EBF3: variants seen among roughly 807,000 people sequenced by gnomAD.
EBF3 encodes transcription factor COE3.
A neutral mutation model predicts 77.1 loss-of-function variants in EBF3; 18 were observed. That is an observed-to-expected ratio of 0.23 (90% CI 0.16 to 0.35). The LOEUF is 0.35. Among genes scored for constraint, EBF3 ranks in the 10% least tolerant of loss-of-function variants. The probability of loss-of-function intolerance (pLI) is 1.00; values close to 1 mark genes in which losing one functional copy is unlikely to be tolerated. For missense variants in EBF3, 558 were observed against 860.0 expected, an observed-to-expected ratio of 0.65 and a Z score of 4.39; for synonymous variants, 350 against 343.5, an observed-to-expected ratio of 1.02 and a Z score of -0.21.
rs566258569 is a variant in EBF3 at position 129,958,743 on chromosome 10, T to G, written c.485+191A>C. Among the ~76,000 whole-genome samples, 11 of 152,290 alleles carry G rather than the reference T, an allele frequency of 7.2e-5. No individual in the cohort carries two copies. The South Asian group carries it at 2.3e-3, about 32-fold the overall frequency. On this transcript the variant is annotated intron_variant, in intron 5 of 16. Transcript: ENST00000440978. ...CGCTCTGCTGAGCAGCGGGTCGCGT[T>G]GATCGTCAGCGCTGGGGGGAAGGAG...
chr10:129,839,499 C>T (rs187722391), intron 15 of EBF3, among the ~76,000 whole-genome samples: 3 of 152,032 alleles, frequency 2.0e-5, no homozygotes, highest in East Asian at 3.9e-4. Flanking sequence ...CCCGTGTGGC[C>T]TCATCTGTGG....
intron 10 of EBF3, among the ~76,000 whole-genome samples, chr10:129,866,174 T>G (rs1335118443): frequency 6.6e-6 from 1 of 152,196 alleles, no homozygotes; most frequent in Non-Finnish European, 1.5e-5. Flanking sequence ...CAGGCTGAAG[T>G]CCAGTAGCTC....
intron 6 of EBF3, among the ~76,000 whole-genome samples, chr10:129,911,127 T>C (rs912499183): frequency 3.3e-5 from 5 of 152,198 alleles, no homozygotes; most frequent in African/African-American, 1.2e-4. Flanking sequence ...GAGCAAAGCA[T>C]GCCTCTGCCC....
intron 10 of EBF3, among the ~76,000 whole-genome samples, chr10:129,850,444 G>A (rs1157524175): frequency 6.6e-6 from 1 of 152,186 alleles, no homozygotes; most frequent in African/African-American, 2.4e-5. Context: ...TCACCTCTCA[G>A]TTCAGCCCAA....
At position 129,841,058 on chromosome 10, in the gene EBF3, A is replaced by G. The variant is rs768384096; in HGVS notation, c.1373-26T>C. 25 of 1,376,318 alleles carry G rather than the reference A, an allele frequency of 1.8e-5. No individual in the cohort carries two copies. Among genetic ancestry groups the G allele is most frequent in the Admixed American group, 3.5e-5 (2 of 56,512 alleles). The allele number at this position is 1,376,318 out of a possible 1,614,324, so 85.3% of individuals were successfully genotyped here. On this transcript the variant is annotated intron_variant, in intron 13 of 16. Transcript: ENST00000440978. This position sits in a 1 kb window ranked among gnomAD's most constrained non-coding sequence, Gnocchi z 4.6. ...CTGTTGAAATCCCCCCCCCGGCCAA[A>G]AATAACATTATTATCAGCGACAGAC...
Position 129,952,602 on chromosome 10 carries a change from G to C in EBF3, c.554+4656C>G, listed in dbSNP as rs190605914. Among the ~76,000 whole-genome samples, 7 of 152,184 alleles carry C rather than the reference G, an allele frequency of 4.6e-5. No individual in the cohort carries two copies. The highest frequency in any genetic ancestry group is 1.7e-4 in the African/African-American group (7 of 41,442). ...TTGGATTTAATCACGCTCGTGCAAA[G>C]CCATGAGGGAGGAAGCTTTAAGTTC... On this transcript the variant is annotated intron_variant, in intron 6 of 16. Coordinates refer to ENST00000440978, the MANE Select transcript of EBF3 (RefSeq NM_001375380.1). The surrounding 1 kb of genome is among the most constrained non-coding windows in gnomAD (Gnocchi z 4.7).
intron 10 of EBF3, among the ~76,000 whole-genome samples, chr10:129,857,611 G>A (rs961091510): frequency 2.0e-5 from 3 of 152,160 alleles, no homozygotes; most frequent in Admixed American, 1.3e-4. Flanking sequence ...TCCATGTCCC[G>A]CTTCATTCCC....
rs1346447051 is a variant in EBF3 at position 129,944,860 on chromosome 10, T to C, written c.554+12398A>G. On this transcript the variant is annotated intron_variant, in intron 6 of 16. Coordinates refer to ENST00000440978, the MANE Select transcript of EBF3 (RefSeq NM_001375380.1). This position sits in a 1 kb window ranked among gnomAD's most constrained non-coding sequence, Gnocchi z 5.1. ...GTTATTATCCTCTTCGAAAACACTA[T>C]AGAATATGTACGAAAATGTCAGGAG... is the stretch of plus-strand genomic sequence containing the variant. Among the ~76,000 whole-genome samples the C allele has an allele frequency of 2.0e-5, 3 of 151,556 alleles. No homozygotes were observed. The highest frequency in any genetic ancestry group is 4.9e-5 in the African/African-American group (2 of 41,182).
Position 129,842,074 on chromosome 10 carries a change from G to T in EBF3, c.1372+42C>A. On this transcript the variant is annotated intron_variant, in intron 13 of 16. Coordinates refer to ENST00000440978, the MANE Select transcript of EBF3 (RefSeq NM_001375380.1). The surrounding 1 kb of genome is among the most constrained non-coding windows in gnomAD (Gnocchi z 4.4). The stretch of plus-strand genomic sequence containing the variant: ...CAGCTAAGGCCTCAACCAACCCTCG[G>T]AGGGCGTTCAGGGCAGGGGTCCTCC... 6.2e-7 allele frequency: 1 copy of T among 1,613,496 alleles called. No individual in the cohort carries two copies. Among genetic ancestry groups the T allele is most frequent in the Non-Finnish European group, 8.5e-7 (1 of 1,179,716 alleles).
At chr10:129,962,794 C>G in intron 3 of EBF3, 148 bp downstream of exon 3, 1 of 887,580 alleles carries the variant, frequency 1.1e-6, no homozygotes, top group South Asian at 1.8e-5. Flanking sequence ...ACTTATTGAT[C>G]GTTTATGTTT....
chr10:129,962,081 G>C (rs549416780), intron 4 of EBF3, 90 bp downstream of exon 4: 2 of 1,204,380 alleles, frequency 1.7e-6, no homozygotes, highest in East Asian at 4.7e-5. Flanking sequence ...ACAAATACAC[G>C]AGATCCATTT....
intron 10 of EBF3, among the ~76,000 whole-genome samples, chr10:129,850,427 G>A (rs1850786648): frequency 6.6e-6 from 1 of 152,186 alleles, no homozygotes; most frequent in South Asian, 2.1e-4. Flanking sequence ...AAGTACATGG[G>A]CCCCTTTCAC....
intron 4 of EBF3, among the ~76,000 whole-genome samples, chr10:129,960,801 T>C (rs891885715): frequency 2.0e-5 from 3 of 152,160 alleles, no homozygotes; most frequent in Admixed American, 2.0e-4. Flanking sequence ...TAGGGCTGCC[T>C]ACATAAACCT....
chr10:129,917,420 C>G lies in EBF3; in HGVS notation c.555-39571G>C, dbSNP rs909913148. Reference sequence around the variant, plus strand: ...CACATATCATATGCATATTCCACCTCGGCATTTAATTATTACAATGATAGG... The same window carrying G: ...CACATATCATATGCATATTCCACCTGGGCATTTAATTATTACAATGATAGG... On this transcript the variant is annotated intron_variant, in intron 6 of 16. Coordinates refer to ENST00000440978, the MANE Select transcript of EBF3 (RefSeq NM_001375380.1). Among the ~76,000 whole-genome samples the G allele has an allele frequency of 2.0e-5, 3 of 151,900 alleles. No individual in the cohort carries two copies. The South Asian group carries it at 6.2e-4, about 32-fold the overall frequency.
At chr10:129,882,316 G>A (rs1448269919) in intron 6 of EBF3, among the ~76,000 whole-genome samples, 2 of 152,234 alleles carry the variant, frequency 1.3e-5, no homozygotes, top group Non-Finnish European at 2.9e-5. Context: ...GGACCAAACA[G>A]CTCTCCTTTA....
intron 16 of EBF3, 119 bp from the exon 17 acceptor site, chr10:129,838,079 T>C: frequency 1.6e-6 from 2 of 1,241,596 alleles, no homozygotes; most frequent in Non-Finnish European, 2.3e-6. Flanking sequence ...TCTTGCACAG[T>C]TCCGTCCACC....
intron 6 of EBF3, among the ~76,000 whole-genome samples, chr10:129,945,232 G>C (rs961486908): frequency 8.0e-5 from 12 of 150,330 alleles, no homozygotes; most frequent in African/African-American, 2.9e-4. Flanking sequence ...AAAGGAAGCA[G>C]AGGGAGGGAG....
At chr10:129,924,444 A>C (rs1363896486) in intron 6 of EBF3, among the ~76,000 whole-genome samples, 4 of 132,600 alleles carry the variant, frequency 3.0e-5, no homozygotes, top group African/African-American at 5.7e-5. Context: ...AAAAAAAAAA[A>C]ACAAAAAACA....
chr10:129,847,369 G>T (rs932996905), intron 11 of EBF3, among the ~76,000 whole-genome samples: 1 of 152,170 alleles, frequency 6.6e-6, no homozygotes, highest in Non-Finnish European at 1.5e-5. Context: ...GGAAACACTC[G>T]TTCTGCCTGG....
Sources: allele counts gnomAD v4.1 joint callset (sites outside exome capture counted in the v4.1 genomes callset), GRCh38; gene constraint gnomAD v4.1.1; non-coding constraint Gnocchi (gnomAD v3.1); transcripts MANE v1.5; gene names NCBI Gene and HGNC (gene_info 2026-07-23, HGNC 2026-07-21).